MAOB: variants seen among roughly 807,000 people sequenced by gnomAD.
MAOB encodes monoamine oxidase B.
Under a neutral mutation model 41.9 loss-of-function variants are expected in MAOB, and 15 were observed. The observed-to-expected ratio is 0.36, with a 90% CI of 0.24 to 0.55. MAOB has a LOEUF of 0.55. MAOB is among the 20% of genes least tolerant of loss of function. The pLI is 0.86. For synonymous variants in MAOB, 167 were observed against 144.2 expected, an observed-to-expected ratio of 1.16 and a Z score of -1.13; for missense variants, 345 against 398.7, an observed-to-expected ratio of 0.87 and a Z score of 1.15.
At chrX:43,807,063 G>A (rs2034673141) in intron 3 of MAOB, among the ~76,000 whole-genome samples, 1 of 111,843 alleles carries the variant, frequency 8.9e-6, no homozygotes, top group East Asian at 2.8e-4. Context: ...GCAAGTTCTG[G>A]CTGCTGAGTG....
At chrX:43,803,870 G>T (rs2034629441) in intron 3 of MAOB, among the ~76,000 whole-genome samples, 1 of 110,419 alleles carries the variant, frequency 9.1e-6, no homozygotes, top group South Asian at 3.9e-4. Context: ...CACAAAACAG[G>T]GCCCAGAAAG....
At chrX:43,841,299 CAATT>C (rs899704281) in intron 2 of MAOB, among the ~76,000 whole-genome samples, 1 of 110,981 alleles carries the variant, frequency 9.0e-6, no homozygotes, top group African/African-American at 3.3e-5. Flanking sequence ...AGAATTGAAA[CAATT>C]AACCAGCAAT....
intron 12 of MAOB, 92 bp downstream of exon 12, chrX:43,775,083 A>T: frequency 1.1e-6 from 1 of 906,041 alleles, no homozygotes; most frequent in Non-Finnish European, 1.4e-6. Context: ...TGTATTTATA[A>T]GAAACAAGGG....
At chrX:43,852,229 G>T (rs2035256689) in intron 1 of MAOB, among the ~76,000 whole-genome samples, 1 of 112,101 alleles carries the variant, frequency 8.9e-6, no homozygotes, top group Non-Finnish European at 1.9e-5. Flanking sequence ...CATTACAGAG[G>T]TAGTATCTTT....
At chrX:43,826,733 A>G (rs2147154876) in intron 3 of MAOB, among the ~76,000 whole-genome samples, 1 of 111,195 alleles carries the variant, frequency 9.0e-6, no homozygotes, top group African/African-American at 3.3e-5. Context: ...TCATCCTTTT[A>G]TGAGGAGTCC....
chrX:43,815,859 G>A (rs1442839129), intron 3 of MAOB, among the ~76,000 whole-genome samples: 2 of 111,900 alleles, frequency 1.8e-5, no homozygotes, highest in Non-Finnish European at 3.8e-5. Flanking sequence ...CTAGGTATAC[G>A]CCCCAGAAAA....
rs192438227 is a variant in MAOB at position 43,862,643 on chromosome X, C to T, written c.47-18879G>A. 1.8e-3 allele frequency among the ~76,000 whole-genome samples: 203 copies of T among 112,046 alleles called. 3 individuals carry two copies. The East Asian group carries it at 0.047, about 26-fold the overall frequency. On this transcript the variant is annotated intron_variant, in intron 1 of 14. Transcript: ENST00000378069. ...CACCCTGTGGCTATTGGCCATACAC[C>T]TGGGTGTGAAATCTGTACACTGGAA...
At chrX:43,842,805 G>A (rs780003663) in intron 2 of MAOB, among the ~76,000 whole-genome samples, 3 of 111,611 alleles carry the variant, frequency 2.7e-5, no homozygotes, top group Non-Finnish European at 3.8e-5. Context: ...TATGCTAAGT[G>A]AAATAAGCCA....
intron 3 of MAOB, among the ~76,000 whole-genome samples, chrX:43,830,231 T>C (rs1211842726): frequency 8.9e-6 from 1 of 111,835 alleles, no homozygotes; most frequent in Non-Finnish European, 1.9e-5. Context: ...TTTAAAGTAA[T>C]GTATTTTACT....
rs189996054 is a variant in MAOB at position 43,846,067 on chromosome X, A to G, written c.47-2303T>C. On this transcript the variant is annotated intron_variant, in intron 1 of 14. Transcript: ENST00000378069. ...ACCCCAGTTTCCTAATTTTACCTCCATAAGGAAAAAGAACCACTTCTATTT... is the reference window on the plus strand; with the variant it reads ...ACCCCAGTTTCCTAATTTTACCTCCGTAAGGAAAAAGAACCACTTCTATTT... Among the ~76,000 whole-genome samples the G allele has an allele frequency of 6.8e-4, 76 of 112,245 alleles. No individual in the cohort carries two copies. In the East Asian group the frequency reaches 0.013, roughly 19 times the overall value.
At chrX:43,806,687 G>A (rs904559713) in intron 3 of MAOB, among the ~76,000 whole-genome samples, 4 of 111,506 alleles carry the variant, frequency 3.6e-5, no homozygotes, top group Admixed American at 2.9e-4. Context: ...CCACTTTCTG[G>A]AGATGGAGAA....
rs184483321 is a variant in MAOB, at chrX:43,808,046, C to A, written c.280-4642G>T. Reference sequence around the variant, plus strand: ...CCAACCCTGCCCCCTCAACACAATGCACTTGTACAAAGTGGGTGTGGGATG... The same window carrying A: ...CCAACCCTGCCCCCTCAACACAATGAACTTGTACAAAGTGGGTGTGGGATG... On this transcript the variant is annotated intron_variant, in intron 3 of 14. Coordinates refer to ENST00000378069, the MANE Select transcript of MAOB (RefSeq NM_000898.5). Among the ~76,000 whole-genome samples, 697 of 111,443 alleles carry A rather than the reference C, an allele frequency of 6.3e-3. 5 individuals are homozygous for A. The highest frequency in any genetic ancestry group is 0.017 in the African/African-American group (529 of 30,579).
At chrX:43,789,679 C>G (rs1163894262) in intron 8 of MAOB, among the ~76,000 whole-genome samples, 2 of 111,458 alleles carry the variant, frequency 1.8e-5, no homozygotes, top group Non-Finnish European at 3.8e-5. Context: ...TATAGGAAGC[C>G]TGTCCTTGCA....
At chrX:43,864,206 G>A (rs2035350962) in intron 1 of MAOB, among the ~76,000 whole-genome samples, 1 of 111,099 alleles carries the variant, frequency 9.0e-6, no homozygotes. Context: ...TTTCATATAT[G>A]CACACATTAA....
At chrX:43,828,034 A>T (rs1277456719) in intron 3 of MAOB, among the ~76,000 whole-genome samples, 1 of 111,421 alleles carries the variant, frequency 9.0e-6, no homozygotes, top group Non-Finnish European at 1.9e-5. Flanking sequence ...GGCCTCATCA[A>T]GAAAAGTAGC....
intron 11 of MAOB, among the ~76,000 whole-genome samples, chrX:43,778,277 C>G (rs1327705714): frequency 3.6e-5 from 4 of 110,730 alleles, no homozygotes; most frequent in African/African-American, 1.3e-4. Context: ...GTCCTTCTTA[C>G]AAGATCACCA....
At chrX:43,768,630 T>A (rs2034141592) in intron 14 of MAOB, 24 bp downstream of exon 14, 1 of 1,172,643 alleles carries the variant, frequency 8.5e-7, no homozygotes, top group African/African-American at 1.8e-5. Context: ...GATATCTAAT[T>A]TCATGAAATA....
intron 1 of MAOB, among the ~76,000 whole-genome samples, chrX:43,877,233 G>A (rs2035445640): frequency 8.9e-6 from 1 of 111,892 alleles, no homozygotes; most frequent in African/African-American, 3.3e-5. Flanking sequence ...CACTGCCCCT[G>A]AATGTATGGC....
At chrX:43,768,871 A>G (rs1009309732) in intron 13 of MAOB, among the ~76,000 whole-genome samples, 155 bp from the exon 14 acceptor site, 17 of 111,898 alleles carry the variant, frequency 1.5e-4, no homozygotes, top group African/African-American at 5.2e-4. Flanking sequence ...GAGGCGCCAA[A>G]AGGTCTTTCT....
Sources: allele counts gnomAD v4.1 joint callset (sites outside exome capture counted in the v4.1 genomes callset), GRCh38; gene constraint gnomAD v4.1.1; transcripts MANE v1.5; gene names NCBI Gene and HGNC (gene_info 2026-07-23, HGNC 2026-07-21).